The following SLC8A3 variants were observed in gnomAD, a reference collection of about 807,000 sequenced individuals.
SLC8A3 encodes the protein solute carrier family 8 member A3, also known as sodium/calcium exchanger 3.
A neutral mutation model predicts 65.4 loss-of-function variants in SLC8A3; 37 were observed. That is an observed-to-expected ratio of 0.57 (90% CI 0.44 to 0.74). The LOEUF is 0.74. Ranked by LOEUF, SLC8A3 falls within the 30% of genes least tolerant of loss-of-function variation. The pLI, the probability that SLC8A3 is intolerant of heterozygous loss-of-function variation, is 0.00. For missense variants in SLC8A3, 1,112 were observed against 1,172.1 expected (o/e 0.95, Z 0.75); for synonymous variants, 461 against 444.5 (o/e 1.04, Z -0.47).
chr14:70,169,634 C>T (rs1897370540), intron 1 of SLC8A3, among the ~76,000 whole-genome samples: 1 of 138,762 alleles, frequency 7.2e-6, no homozygotes, highest in South Asian at 2.2e-4. Flanking sequence ...CACTCACTGC[C>T]TCATTTGGGT....
chr14:70,183,965 T>C (rs1882968716), intron 1 of SLC8A3, among the ~76,000 whole-genome samples: 3 of 152,220 alleles, frequency 2.0e-5, no homozygotes, highest in Non-Finnish European at 4.4e-5. Flanking sequence ...CAAGCCTTTG[T>C]CTCCTTGCAG....
chr14:70,052,582 G>C (rs949148836), intron 3 of SLC8A3, among the ~76,000 whole-genome samples: 7 of 147,836 alleles, frequency 4.7e-5, no homozygotes, highest in African/African-American at 1.6e-4. Flanking sequence ...TTTACCAATG[G>C]TCCCTTCTCA....
Position 70,167,876 on chromosome 14 carries a change from C to A in SLC8A3, c.547G>T (p.Gly183Cys), listed in dbSNP as rs767890482. ...TCTGGGATCACGTAGACACAGATGC[C>A]AATGATGATGAACATGTTGAAGGCT... ...SAAFNMFIII[G>C]ICVYVIPDGE... Residue 183 changes from glycine (G) to cysteine (C), a missense_variant, in exon 2 of 7, where the codon GGC (glycine) becomes TGC (cysteine). By Grantham distance (159) the Gly-to-Cys change is radical. Coordinates refer to ENST00000356921, the MANE Select transcript of SLC8A3 (RefSeq NM_182932.3). The A allele has an allele frequency of 6.2e-7, 1 of 1,614,082 alleles. No individual in the cohort carries two copies. The highest frequency in any genetic ancestry group is 8.5e-7 in the Non-Finnish European group (1 of 1,180,030).
intron 3 of SLC8A3, among the ~76,000 whole-genome samples, chr14:70,053,218 C>T (rs1011874233): frequency 6.6e-6 from 1 of 152,122 alleles, no homozygotes; most frequent in Non-Finnish European, 1.5e-5. Context: ...GTGCTGGTGG[C>T]CACTTTTGGA....
chr14:70,062,138 G>C (rs529234165), intron 2 of SLC8A3, among the ~76,000 whole-genome samples: 1 of 2,912 alleles, frequency 3.4e-4, no homozygotes, highest in Non-Finnish European at 9.1e-4. Flanking sequence ...TTGGGGGAGG[G>C]GAGGCTAAGA....
chr14:70,156,341 CAAT>C (rs1896571831), intron 2 of SLC8A3, among the ~76,000 whole-genome samples: 1 of 152,206 alleles, frequency 6.6e-6, no homozygotes, highest in South Asian at 2.1e-4. Flanking sequence ...GAAATAGTGA[CAAT>C]AATTTCATTC....
In SLC8A3 at chr14:70,143,525, A is replaced by G. The variant is rs186563418; in HGVS notation, c.1784+23114T>C. On this transcript the variant is annotated intron_variant, in intron 2 of 6. Coordinates refer to ENST00000356921, the MANE Select transcript of SLC8A3 (RefSeq NM_182932.3). ...TCAATCACAGCTACGTATCAGAATC[A>G]CCTGGAGTGCTTAAACAATATACTG... is the stretch of plus-strand genomic sequence containing the variant. 2.0e-3 allele frequency among the ~76,000 whole-genome samples: 306 copies of G among 152,202 alleles called. 2 individuals are homozygous for G. Among genetic ancestry groups the G allele is most frequent in the East Asian group, 8.7e-3 (45 of 5,166 alleles).
intron 3 of SLC8A3, among the ~76,000 whole-genome samples, chr14:70,053,158 A>C (rs1416573695): frequency 6.6e-6 from 1 of 152,222 alleles, no homozygotes; most frequent in Admixed American, 6.5e-5. Context: ...CAAACACAGA[A>C]GGCAATCCTA....
intron 2 of SLC8A3, among the ~76,000 whole-genome samples, chr14:70,116,491 G>C (rs2140165501): frequency 1.3e-5 from 2 of 152,296 alleles, no homozygotes; most frequent in South Asian, 4.1e-4. Context: ...CAGCCATGTT[G>C]TGTATCATCT....
intron 2 of SLC8A3, among the ~76,000 whole-genome samples, chr14:70,101,245 G>C (rs568800819): frequency 4.6e-5 from 7 of 152,136 alleles, no homozygotes; most frequent in Non-Finnish European, 7.3e-5. Context: ...GAAAAATATA[G>C]GGTAAAACAA....
intron 1 of SLC8A3, among the ~76,000 whole-genome samples, chr14:70,178,510 T>G (rs1454035039): frequency 6.6e-6 from 1 of 152,150 alleles, no homozygotes. Context: ...CAGGATAAAA[T>G]GAACCCATGG....
At chr14:70,063,647 G>A (rs1284519442) in intron 2 of SLC8A3, among the ~76,000 whole-genome samples, 3 of 152,192 alleles carry the variant, frequency 2.0e-5, no homozygotes, top group Admixed American at 6.5e-5. Flanking sequence ...GGCAGAGAGA[G>A]GACAGAGGAG....
At chr14:70,069,796 A>G (rs1254682109) in intron 2 of SLC8A3, among the ~76,000 whole-genome samples, 1 of 152,194 alleles carries the variant, frequency 6.6e-6, no homozygotes, top group Non-Finnish European at 1.5e-5. Flanking sequence ...TAAGTGTGTC[A>G]TCTCGTCCCT....
At chr14:70,174,662 G>GTTTTTT (rs10527244) in intron 1 of SLC8A3, among the ~76,000 whole-genome samples, 17 of 66,510 alleles carry the variant, frequency 2.6e-4, no homozygotes, top group African/African-American at 8.2e-4. Context: ...TTTTTTTTTT[G>GTTTTTT]TTTTTTTTTT....
intron 2 of SLC8A3, among the ~76,000 whole-genome samples, chr14:70,150,736 C>T (rs912742224): frequency 3.3e-5 from 5 of 152,190 alleles, no homozygotes; most frequent in African/African-American, 1.2e-4. Flanking sequence ...GGTAACACAC[C>T]TGTAGCTCAG....
intron 2 of SLC8A3, among the ~76,000 whole-genome samples, chr14:70,141,069 G>A (rs1398138578): frequency 6.6e-6 from 1 of 152,224 alleles, no homozygotes; most frequent in Non-Finnish European, 1.5e-5. Context: ...TCATAATACC[G>A]ATGCGATAAT....
At position 70,168,060 on chromosome 14, in the gene SLC8A3, G is replaced by A. The variant is rs1897285753; in HGVS notation, c.363C>T (p.Thr121=). 2 of 1,613,998 alleles carry A rather than the reference G, an allele frequency of 1.2e-6. No homozygotes were observed. Among genetic ancestry groups the A allele is most frequent in the Admixed American group, 1.7e-5 (1 of 60,000 alleles). ...EVTIKKPNGE[T]STTTIRVWNE... The stretch of plus-strand genomic sequence containing the variant: ...TCCAGACCCGAATAGTGGTTGTGCT[G>A]GTTTCTCCATTGGGTTTCTTAATTG... Residue 121 remains threonine (T), a synonymous_variant, in exon 2 of 7, where the codon ACC becomes ACT. Coordinates refer to ENST00000356921, the MANE Select transcript of SLC8A3 (RefSeq NM_182932.3).
intron 2 of SLC8A3, among the ~76,000 whole-genome samples, chr14:70,090,711 A>G (rs1891744708): frequency 6.6e-6 from 1 of 152,166 alleles, no homozygotes; most frequent in Non-Finnish European, 1.5e-5. Flanking sequence ...TATTTCCTTG[A>G]TGAATTTGTA....
intron 1 of SLC8A3, among the ~76,000 whole-genome samples, chr14:70,180,556 T>C (rs1011064572): frequency 2.6e-5 from 4 of 152,230 alleles, no homozygotes; most frequent in African/African-American, 9.6e-5. Flanking sequence ...CTAAAAGGCA[T>C]TGGCTCAAGA....
Sources: allele counts gnomAD v4.1 joint callset (sites outside exome capture counted in the v4.1 genomes callset), GRCh38; gene constraint gnomAD v4.1.1; transcripts MANE v1.5; gene names NCBI Gene and HGNC (gene_info 2026-07-23, HGNC 2026-07-21).